Variants in MTMR1 observed in about 807,000 individuals in gnomAD.
MTMR1 encodes myotubularin related protein 1.
In MTMR1, 17 loss-of-function variants were observed where a neutral mutation model predicts 51.6. The observed-to-expected ratio is 0.33, with a 90% confidence interval of 0.23 to 0.49. The LOEUF (loss-of-function observed/expected upper bound fraction) is 0.49, where lower values mean the gene tolerates loss of function less well. MTMR1 is among the 20% of genes least tolerant of loss of function. The probability of loss-of-function intolerance (pLI) is 0.99; values close to 1 mark genes in which losing one functional copy is unlikely to be tolerated. For missense variants in MTMR1, 386 were observed against 526.9 expected (o/e 0.73, Z 2.62); for synonymous variants, 201 against 205.6 (o/e 0.98, Z 0.19).
chrX:150,725,720 T>C (rs1431057224), intron 4 of MTMR1, among the ~76,000 whole-genome samples: 1 of 111,561 alleles, frequency 9.0e-6, no homozygotes, highest in Non-Finnish European at 1.9e-5. Flanking sequence ...CCCCACAATA[T>C]ATTGTTTTTG....
intron 3 of MTMR1, 116 bp from the exon 4 acceptor site, chrX:150,718,509 C>A: frequency 6.4e-6 from 6 of 943,535 alleles, no homozygotes; most frequent in Non-Finnish European, 8.3e-6. Context: ...GCTTCTGTAG[C>A]CTTATAGTGA....
In MTMR1 at chrX:150,730,472, A is replaced by G. The variant is rs782548469; in HGVS notation, c.658-53A>G. ...AGAATGAAAAGCTTTAATATTGGGT[A>G]TATGATATAAAAAGAAATAGTAACA... On this transcript the variant is annotated intron_variant, in intron 7 of 15. Coordinates refer to ENST00000445323, the MANE Select transcript of MTMR1 (RefSeq NM_001306144.3). 7 of 824,532 alleles carry G rather than the reference A, an allele frequency of 8.5e-6. No individual in the cohort carries two copies. In the South Asian group the frequency reaches 1.9e-4, roughly 23 times the overall value. 68.0% of individuals were successfully genotyped at this position (824,532 alleles called of 1,213,427 possible). A position where few individuals can be genotyped will look rare whatever the true frequency, so the allele number is the denominator to read the frequency against.
intron 4 of MTMR1, among the ~76,000 whole-genome samples, chrX:150,720,615 AC>A (rs2041714707): frequency 8.9e-6 from 1 of 111,760 alleles, no homozygotes; most frequent in African/African-American, 3.3e-5. Flanking sequence ...GTATGAGCAT[AC>A]CTTTTCTTTT....
intron 13 of MTMR1, among the ~76,000 whole-genome samples, chrX:150,749,065 T>C (rs2042656252): frequency 8.9e-6 from 1 of 112,412 alleles, no homozygotes; most frequent in Non-Finnish European, 1.9e-5. Context: ...AGCAGTAATA[T>C]TCTGATGGGA....
At chrX:150,708,888 C>T (rs1203304432) in intron 2 of MTMR1, among the ~76,000 whole-genome samples, 5 of 111,721 alleles carry the variant, frequency 4.5e-5, no homozygotes, top group Admixed American at 2.8e-4. Context: ...GCCTGAGGTC[C>T]TGTGGCCAGT....
Position 150,730,186 on chromosome X carries a change from T to C in MTMR1, c.633T>C (p.His211=), listed in dbSNP as rs1557416923. Residue 211 remains histidine, a synonymous_variant, in exon 7 of 16, where the codon CAT becomes CAC. Transcript: ENST00000445323. ...GGATATTTGAAAACCTCAACAAACATGCATTTCCTCTTTCTAACGGACAGG... is the reference window on the plus strand; with the variant it reads ...GGATATTTGAAAACCTCAACAAACACGCATTTCCTCTTTCTAACGGACAGG... ...KLGIFENLNK[H]AFPLSNGQAL... is the part of the protein sequence containing the mutation. The C allele has an allele frequency of 8.3e-7, 1 of 1,199,697 alleles. No homozygotes were observed. Among genetic ancestry groups the C allele is most frequent in the African/African-American group, 1.8e-5 (1 of 56,651 alleles).
chrX:150,715,939 G>T (rs1291006584), intron 3 of MTMR1, among the ~76,000 whole-genome samples: 7 of 112,167 alleles, frequency 6.2e-5, no homozygotes, highest in African/African-American at 2.3e-4. Flanking sequence ...TATCTTGAGA[G>T]CATTGTGTAT....
At position 150,730,511 on chromosome X, in the gene MTMR1, G is replaced by C. The variant is rs2042084859; in HGVS notation, c.658-14G>C. On this transcript the variant is annotated splice_polypyrimidine_tract_variant and intron_variant, in intron 7 of 15. Transcript: ENST00000445323. ...GAAATAGTAACATATGTGTTTTGTG[G>C]TTTTTGTGTCCAGGCACTATTTGCA... The C allele has an allele frequency of 6.3e-6, 7 of 1,118,852 alleles. No individual in the cohort carries two copies. The highest frequency in any genetic ancestry group is 8.4e-6 in the Non-Finnish European group (7 of 833,786). The allele number at this position is 1,118,852 out of a possible 1,213,427, so 92.2% of individuals were successfully genotyped here.
At chrX:150,701,221 T>C (rs2040896151) in intron 2 of MTMR1, among the ~76,000 whole-genome samples, 1 of 111,496 alleles carries the variant, frequency 9.0e-6, no homozygotes, top group South Asian at 3.7e-4. Context: ...TTTTACATAA[T>C]AAATACATAA....
In MTMR1 at chrX:150,759,483, A is replaced by AT. The variant is rs2043019226; in HGVS notation, c.1858-3082_1858-3081insT. On this transcript the variant is annotated intron_variant, in intron 15 of 15. Coordinates refer to ENST00000445323, the MANE Select transcript of MTMR1 (RefSeq NM_001306144.3). ...ATCTGGAGTGCCTTTGGCTAAACAG[A>AT]GCCTCTCGATTACTGCAGGAGACCC... 1.3e-4 allele frequency among the ~76,000 whole-genome samples: 13 copies of AT among 99,863 alleles called. 2 individuals are homozygous for AT. The highest frequency in any genetic ancestry group is 2.5e-4 in the Non-Finnish European group (11 of 44,573). The allele number at this position is 99,863 out of a possible 115,157, so 86.7% of individuals were successfully genotyped here.
At chrX:150,699,403 C>A (rs1399359253) in intron 2 of MTMR1, 103 bp downstream of exon 2, 2 of 479,342 alleles carry the variant, frequency 4.2e-6, no homozygotes, top group Non-Finnish European at 6.8e-6. Flanking sequence ...TGCAACATGG[C>A]CATTTGCTCG....
At chrX:150,751,171 G>A in intron 14 of MTMR1, 1 of 883,901 alleles carries the variant, frequency 1.1e-6, no homozygotes, top group Admixed American at 5.1e-5. Context: ...CATCCTCTGT[G>A]GTGTTGGCCA....
chrX:150,744,378 TGAC>T lies in MTMR1; in HGVS notation c.1492_1494del (p.Asp498del), dbSNP rs1171089615. 4.1e-6 allele frequency: 5 copies of T among 1,209,505 alleles called. No homozygotes were observed. The highest frequency in any genetic ancestry group is 3.5e-5 in the African/African-American group (2 of 57,203). On this transcript the variant is annotated inframe_deletion, in exon 13 of 16. Transcript: ENST00000445323. ...CTGTTCAGCGAGTGGGCCATGGTAA[TGAC>T]AACCATGCGGATGCTGACCGATCTC...
rs1557418437 is a variant in MTMR1, at chrX:150,765,061, T to TAAC, written c.*2333_*2335dup. On this transcript the variant is annotated 3_prime_UTR_variant, in exon 16 of 16. Transcript: ENST00000445323. Reference sequence around the variant, plus strand: ...TTAATATATGATGATGTAAAGTAACTAACTTTATGTGATTTAATTCATTCA... The same window carrying TAAC: ...TTAATATATGATGATGTAAAGTAACTAACAACTTTATGTGATTTAATTCATTCA... 1 of 97,230 alleles carries TAAC rather than the reference T, an allele frequency of 1.0e-5. No individual in the cohort carries two copies. Among genetic ancestry groups the TAAC allele is most frequent in the Admixed American group, 1.0e-4 (1 of 9,686 alleles). 8.0% of individuals were successfully genotyped at this position (97,230 alleles called of 1,213,427 possible). A position where few individuals can be genotyped will look rare whatever the true frequency, so the allele number is the denominator to read the frequency against.
intron 4 of MTMR1, among the ~76,000 whole-genome samples, chrX:150,723,759 CTGT>C (rs782234051): frequency 3.6e-5 from 4 of 111,743 alleles, no homozygotes; most frequent in African/African-American, 1.3e-4. Context: ...GCCCCAATGT[CTGT>C]TGTTCCCTTC....
intron 14 of MTMR1, among the ~76,000 whole-genome samples, chrX:150,752,612 TG>T (rs1319688801): frequency 1.0e-5 from 1 of 98,527 alleles, no homozygotes; most frequent in African/African-American, 3.9e-5. Context: ...ATTTTAACCA[TG>T]GCTTTATCTT....
At chrX:150,744,546 G>A in intron 13 of MTMR1, 93 bp downstream of exon 13, 1 of 714,721 alleles carries the variant, frequency 1.4e-6, no homozygotes, top group Non-Finnish European at 2.1e-6. Context: ...AGATGAATTT[G>A]TGTAAAATAT....
chrX:150,707,004 T>C (rs1421764918), intron 2 of MTMR1, among the ~76,000 whole-genome samples: 1 of 107,844 alleles, frequency 9.3e-6, no homozygotes, highest in Non-Finnish European at 1.9e-5. Context: ...GGTTGAAAGA[T>C]AGGCTTTTCA....
chrX:150,718,046 A>G (rs782462027), intron 3 of MTMR1, among the ~76,000 whole-genome samples: 1 of 112,664 alleles, frequency 8.9e-6, no homozygotes, highest in African/African-American at 3.2e-5. Flanking sequence ...TTGTGCATGC[A>G]TGTCCGTGTG....
Sources: gnomAD v4.1 joint callset for allele counts (sites outside exome capture counted in the v4.1 genomes callset) on GRCh38, gnomAD v4.1.1 for gene constraint, MANE v1.5 for transcripts, NCBI Gene and HGNC (gene_info 2026-07-23, HGNC 2026-07-21) for gene names.